EXT1: variants seen among roughly 807,000 people sequenced by gnomAD.
The protein encoded by EXT1 is exostosin glycosyltransferase 1, also known as exostosin-1.
A neutral mutation model predicts 82.5 loss-of-function variants in EXT1; 20 were observed. The ratio of observed to expected loss-of-function variants is 0.24; its 90% CI spans 0.17 to 0.35. The LOEUF is 0.35. EXT1 is among the 10% of genes least tolerant of loss of function. The pLI is 1.00. For missense variants in EXT1, 757 were observed against 936.5 expected (o/e 0.81, Z 2.50); for synonymous variants, 348 against 350.8 (o/e 0.99, Z 0.09).
At chr8:117,983,156 A>G (rs750566105) in intron 1 of EXT1, among the ~76,000 whole-genome samples, 22 of 152,194 alleles carry the variant, frequency 1.4e-4, no homozygotes, top group Non-Finnish European at 2.5e-4. Context: ...AGGTTAGAAG[A>G]AGGAGTCATG....
At chr8:117,844,441 C>T (rs1812321450) in intron 1 of EXT1, among the ~76,000 whole-genome samples, 1 of 152,054 alleles carries the variant, frequency 6.6e-6, no homozygotes. Context: ...GAGTGAGCCA[C>T]CATACCTGGC....
At chr8:118,024,154 G>A (rs561792830) in intron 1 of EXT1, among the ~76,000 whole-genome samples, 4 of 152,048 alleles carry the variant, frequency 2.6e-5, no homozygotes, top group African/African-American at 7.2e-5. Context: ...AATAAACCAC[G>A]GTAGAAACAA....
At chr8:117,980,346 A>C (rs1273511673) in intron 1 of EXT1, among the ~76,000 whole-genome samples, 1 of 152,112 alleles carries the variant, frequency 6.6e-6, no homozygotes, top group Non-Finnish European at 1.5e-5. Context: ...TTCCTCCAAA[A>C]TATTGCTCTA....
intron 1 of EXT1, among the ~76,000 whole-genome samples, chr8:118,072,804 T>C (rs569670797): frequency 3.9e-5 from 6 of 152,322 alleles, no homozygotes; most frequent in African/African-American, 1.2e-4. Flanking sequence ...ATGTTTCAAG[T>C]CAGTTTCAAG....
intron 1 of EXT1, among the ~76,000 whole-genome samples, chr8:117,879,049 C>T (rs17479502): frequency 0.048 from 7,291 of 152,278 alleles, 415 homozygotes; most frequent in African/African-American, 0.14. Context: ...GCACAGGTGA[C>T]TTGAGCTCTC....
intron 1 of EXT1, among the ~76,000 whole-genome samples, chr8:118,074,655 G>A (rs1817173103): frequency 6.6e-6 from 1 of 152,154 alleles, no homozygotes; most frequent in Non-Finnish European, 1.5e-5. Context: ...GCCAAGGGGT[G>A]AGGGGCGAGA....
intron 1 of EXT1, among the ~76,000 whole-genome samples, chr8:117,853,673 C>T (rs1446791229): frequency 6.6e-6 from 1 of 152,142 alleles, no homozygotes; most frequent in Non-Finnish European, 1.5e-5. Context: ...TCTGCTCTTC[C>T]CTGGAAACCT....
chr8:117,837,023 A>G, intron 2 of EXT1, 85 bp downstream of exon 2: 2 of 905,596 alleles, frequency 2.2e-6, no homozygotes, highest in Non-Finnish European at 3.7e-6. Flanking sequence ...CTCTTTAGCT[A>G]TCCCAGGAGA....
At chr8:117,924,129 A>G (rs1421718307) in intron 1 of EXT1, among the ~76,000 whole-genome samples, 1 of 152,214 alleles carries the variant, frequency 6.6e-6, no homozygotes, top group East Asian at 1.9e-4. Context: ...TTTTAAGAAA[A>G]TAACTGGGTG....
At chr8:118,099,650 ACTGT>A (rs1296044809) in intron 1 of EXT1, among the ~76,000 whole-genome samples, 3 of 152,198 alleles carry the variant, frequency 2.0e-5, no homozygotes, top group African/African-American at 7.2e-5. Flanking sequence ...ACTTTTAAAG[ACTGT>A]CTGCTTCAGT....
intron 1 of EXT1, among the ~76,000 whole-genome samples, chr8:118,091,066 T>C (rs977859088): frequency 2.0e-5 from 3 of 152,102 alleles, no homozygotes; most frequent in East Asian, 1.9e-4. Flanking sequence ...TATTAGGAAG[T>C]TGCTAGAGAG....
intron 1 of EXT1, among the ~76,000 whole-genome samples, chr8:118,054,722 C>T (rs10088241): frequency 0.011 from 1,648 of 152,262 alleles, 31 homozygotes; most frequent in African/African-American, 0.038. Context: ...GAGCCCAGCT[C>T]TTTCCAAATG....
intron 7 of EXT1, among the ~76,000 whole-genome samples, chr8:117,815,411 C>T (rs1329976705): frequency 3.3e-5 from 5 of 152,130 alleles, no homozygotes; most frequent in Non-Finnish European, 7.4e-5. Context: ...TTTTCTGAAC[C>T]TGTTTCATCA....
intron 1 of EXT1, among the ~76,000 whole-genome samples, chr8:117,864,027 G>A (rs555767675): frequency 1.3e-5 from 2 of 152,202 alleles, no homozygotes; most frequent in Admixed American, 1.3e-4. Flanking sequence ...TAGGCAACAG[G>A]TTGTATGGAA....
chr8:117,956,203 C>T lies in EXT1; in HGVS notation c.963-119002G>A, dbSNP rs182377800. Among the ~76,000 whole-genome samples, 496 of 151,110 alleles carry T rather than the reference C, an allele frequency of 3.3e-3. 17 individuals are homozygous for T. The highest frequency in any genetic ancestry group is 0.032 in the Admixed American group (487 of 15,202). ...AAAAAAAAAAAAACAAGTCGGGGAT[C>T]CCAGACGCTGAAACAGGAGGCCCTT... On this transcript the variant is annotated intron_variant, in intron 1 of 10. Transcript: ENST00000378204.
At chr8:117,934,933 A>G (rs1168983379) in intron 1 of EXT1, among the ~76,000 whole-genome samples, 1 of 152,218 alleles carries the variant, frequency 6.6e-6, no homozygotes, top group African/African-American at 2.4e-5. Context: ...GATCCTACAC[A>G]TGCATCTATC....
At chr8:117,879,439 A>G (rs1481682169) in intron 1 of EXT1, among the ~76,000 whole-genome samples, 4 of 151,820 alleles carry the variant, frequency 2.6e-5, no homozygotes. Context: ...TCCTTTCCAC[A>G]TGAAAAAAAA....
At chr8:117,911,327 G>T (rs1813643118) in intron 1 of EXT1, among the ~76,000 whole-genome samples, 1 of 152,154 alleles carries the variant, frequency 6.6e-6, no homozygotes, top group Non-Finnish European at 1.5e-5. Context: ...CAGGAAGCAT[G>T]TTACTCTAAC....
chr8:117,833,785 A>C (rs1812140805), intron 3 of EXT1, among the ~76,000 whole-genome samples: 1 of 152,298 alleles, frequency 6.6e-6, no homozygotes, highest in South Asian at 2.1e-4. Flanking sequence ...ATTTCTTTTA[A>C]TGATCATGTA....
Sources: gnomAD v4.1 joint callset for allele counts (sites outside exome capture counted in the v4.1 genomes callset) on GRCh38, gnomAD v4.1.1 for gene constraint, MANE v1.5 for transcripts, NCBI Gene and HGNC (gene_info 2026-07-23, HGNC 2026-07-21) for gene names.